The following EXO5 variants were observed in gnomAD, a reference collection of about 807,000 sequenced individuals.
EXO5 encodes the protein exonuclease 5.
In EXO5, 11 loss-of-function variants were observed where a neutral mutation model predicts 17.8. That is an observed-to-expected ratio of 0.62 (90% confidence interval 0.39 to 1.02). The LOEUF (loss-of-function observed/expected upper bound fraction) is 1.02. EXO5 is among the 50% of genes least tolerant of loss of function. EXO5 has a pLI of 0.00. For synonymous variants in EXO5, 147 were observed against 166.5 expected (o/e 0.88, Z 0.90); for missense variants, 364 against 434.8 (o/e 0.84, Z 1.45).
chr1:40,510,684 T>C (rs1645758071), intron 3 of EXO5, among the ~76,000 whole-genome samples: 1 of 152,252 alleles, frequency 6.6e-6, no homozygotes, highest in Non-Finnish European at 1.5e-5. Flanking sequence ...GATCAGGGAA[T>C]GTTCTGTATC....
intron 3 of EXO5, among the ~76,000 whole-genome samples, chr1:40,511,274 T>C (rs1234870845): frequency 6.6e-6 from 1 of 152,064 alleles, no homozygotes; most frequent in African/African-American, 2.4e-5. Context: ...AAATGCCCTT[T>C]AACTTTAGTT....
At position 40,515,883 on chromosome 1, in the gene EXO5, C is replaced by T. The variant is rs190538146; in HGVS notation, c.*217C>T. Reference sequence around the variant, plus strand: ...GTCCCTGGAGCTTCATCATGATTGCCTGAGAAGACAGATGCTCATCATGGC... The same window carrying T: ...GTCCCTGGAGCTTCATCATGATTGCTTGAGAAGACAGATGCTCATCATGGC... On this transcript the variant is annotated 3_prime_UTR_variant, in exon 4 of 4. Coordinates refer to ENST00000415550, the MANE Select transcript of EXO5 (RefSeq NM_001346953.2). 7.7e-5 allele frequency: 36 copies of T among 469,192 alleles called. No individual in the cohort carries two copies. The highest frequency in any genetic ancestry group is 1.2e-4 in the Non-Finnish European group (31 of 259,450). 29.1% of individuals were successfully genotyped at this position (469,192 alleles called of 1,614,324 possible). A position where few individuals can be genotyped will look rare whatever the true frequency, so the allele number is the denominator to read the frequency against.
Position 40,515,486 on chromosome 1 carries a change from G to A in EXO5, c.942G>A (p.Glu314=). 3 of 1,613,994 alleles carry A rather than the reference G, an allele frequency of 1.9e-6. No individual in the cohort carries two copies. The highest frequency in any genetic ancestry group is 2.5e-6 in the Non-Finnish European group (3 of 1,180,008). ...GTEIVAFKEK[E]VRAKVQHYMA... is the part of the protein sequence containing the mutation. ...AGATTGTAGCCTTCAAAGAGAAGGA[G>A]GTGAGAGCCAAGGTGCAGCATTATA... Residue 314 remains glutamate (E), a synonymous_variant, in exon 4 of 4, where the codon GAG becomes GAA. Transcript: ENST00000415550.
chr1:40,511,917 T>C (rs926119364), intron 3 of EXO5, among the ~76,000 whole-genome samples: 12 of 151,870 alleles, frequency 7.9e-5, no homozygotes, highest in African/African-American at 2.9e-4. Context: ...CTCGCTCTGT[T>C]GCCCAGGCTG....
chr1:40,513,583 CTTTT>C (rs576118331), intron 3 of EXO5, among the ~76,000 whole-genome samples: 1 of 142,412 alleles, frequency 7.0e-6, no homozygotes, highest in Admixed American at 7.1e-5. Context: ...CTCAAATCTC[CTTTT>C]TTTTTTTTTT....
In EXO5 at chr1:40,514,692, T is replaced by C. The variant is rs1290436393; in HGVS notation, c.148T>C (p.Ser50Pro). The change falls in exon 4 of 4, where the codon TCC (serine) becomes CCC (proline). Residue 50 changes from serine to proline, a missense_variant. Transcript: ENST00000415550. ...TAACATGCCTGGCCCATCTTCTGAA[T>C]CCCTTGGGAAGGATGACAAACCCAT... ...LVNMPGPSSESLGKDDKPISL... is the reference protein window; with the variant it reads ...LVNMPGPSSEPLGKDDKPISL... 3 of 1,614,106 alleles carry C rather than the reference T, an allele frequency of 1.9e-6. No homozygotes were observed. The highest frequency in any genetic ancestry group is 2.5e-6 in the Non-Finnish European group (3 of 1,180,012).
Position 40,515,048 on chromosome 1 carries a change from G to A in EXO5, c.504G>A (p.Val168=), listed in dbSNP as rs773346092. ...AAGGGCACATCAGAGAGTTTCCAGT[G>A]TTTGGGGAAGGGGAGGGTGTACTTC... ...QSEGHIREFP[V]FGEGEGVLLV... Residue 168 remains valine, a synonymous_variant, in exon 4 of 4, where the codon GTG becomes GTA. Coordinates refer to ENST00000415550, the MANE Select transcript of EXO5 (RefSeq NM_001346953.2). 3 of 1,614,060 alleles carry A rather than the reference G, an allele frequency of 1.9e-6. No homozygotes were observed. The highest frequency in any genetic ancestry group is 1.3e-5 in the African/African-American group (1 of 74,908).
In EXO5 at chr1:40,515,818, G is replaced by A. The variant is rs1645882276; in HGVS notation, c.*152G>A. ...CAACCTCTAACCACATTCAGTCCAG[G>A]ACCAAGGCTCAGGGATGAGTGGGAG... is the stretch of plus-strand genomic sequence containing the variant. On this transcript the variant is annotated 3_prime_UTR_variant, in exon 4 of 4. Coordinates refer to ENST00000415550, the MANE Select transcript of EXO5 (RefSeq NM_001346953.2). 2 of 763,980 alleles carry A rather than the reference G, an allele frequency of 2.6e-6. No individual in the cohort carries two copies. The highest frequency in any genetic ancestry group is 5.9e-5 in the Admixed American group (2 of 33,746). 47.3% of individuals were successfully genotyped at this position (763,980 alleles called of 1,614,324 possible). A position where few individuals can be genotyped will look rare whatever the true frequency, so the allele number is the denominator to read the frequency against.
intron 3 of EXO5, 57 bp from the exon 4 acceptor site, chr1:40,514,458 A>C: frequency 7.2e-7 from 1 of 1,391,112 alleles, no homozygotes; most frequent in South Asian, 1.5e-5. Context: ...TGAAATTTGA[A>C]AGTGCTTTTG....
chr1:40,515,158 T>A lies in EXO5; in HGVS notation c.614T>A (p.Leu205His), dbSNP rs200871640. Reference protein sequence around the residue: ...AELKTRRRPMLPLEAQKKKDC... With the variant: ...AELKTRRRPMHPLEAQKKKDC... ...CTCAAGACACGCAGGCGCCCTATGC[T>A]CCCTCTGGAAGCTCAGAAGAAGAAA... is the stretch of plus-strand genomic sequence containing the variant. The change falls in exon 4 of 4, where the codon CTC (leucine) becomes CAC (histidine). Residue 205 changes from leucine to histidine, a missense_variant. Leu to His is a moderately conservative substitution (Grantham distance 99, BLOSUM62 -3). Transcript: ENST00000415550. The A allele has an allele frequency of 6.2e-7, 1 of 1,613,956 alleles. No homozygotes were observed.
rs1480625903 is a variant in EXO5, at chr1:40,514,988, G to A, written c.444G>A (p.Leu148=). The A allele has an allele frequency of 8.7e-6, 14 of 1,614,028 alleles. No homozygotes were observed. The highest frequency in any genetic ancestry group is 1.2e-5 in the Non-Finnish European group (14 of 1,180,032). ...AAGATGCTTGGGCAATTAAGTTTCTGAACATACTTTTGCTGATTCCTACCC... is the reference window on the plus strand; with the variant it reads ...AAGATGCTTGGGCAATTAAGTTTCTAAACATACTTTTGCTGATTCCTACCC... ...TKEDAWAIKF[L]NILLLIPTLQ... The change falls in exon 4 of 4, where the codon CTG becomes CTA. Residue 148 remains leucine, a synonymous_variant. Transcript: ENST00000415550.
In EXO5 at chr1:40,515,705, T is replaced by C; in HGVS notation, c.*39T>C. 1 of 1,576,022 alleles carries C rather than the reference T, an allele frequency of 6.3e-7. No homozygotes were observed. Among genetic ancestry groups the C allele is most frequent in the Non-Finnish European group, 8.6e-7 (1 of 1,161,616 alleles). ...TTTCAAGAATGTTGATCCTTCCTGCTCCTGTTGTACCTAAGCAAAAGAGGA... is the reference window on the plus strand; with the variant it reads ...TTTCAAGAATGTTGATCCTTCCTGCCCCTGTTGTACCTAAGCAAAAGAGGA... On this transcript the variant is annotated 3_prime_UTR_variant, in exon 4 of 4. Transcript: ENST00000415550.
rs767507515 is a variant in EXO5 at position 40,515,392 on chromosome 1, AC to A, written c.850del (p.Leu284SerfsTer7). Reference protein sequence around the residue: ...ELVFLSLTLSDLPVIDILKIE... With the variant: ...ELVFLSLTLSXLPVIDILKIE... Reference sequence around the variant, plus strand: ...GTCTTCTTGTCTCTAACACTGTCAGACCTCCCAGTTATTGATATCTTGAAGA... The same window carrying A: ...GTCTTCTTGTCTCTAACACTGTCAGACTCCCAGTTATTGATATCTTGAAGA... On this transcript the variant is annotated frameshift_variant, in exon 4 of 4. Coordinates refer to ENST00000415550, the MANE Select transcript of EXO5 (RefSeq NM_001346953.2). LOFTEE classifies it high-confidence loss of function. 17 of 1,613,534 alleles carry A rather than the reference AC, an allele frequency of 1.1e-5. No individual in the cohort carries two copies. In the African/African-American group the frequency reaches 1.5e-4, roughly 14 times the overall value.
intron 3 of EXO5, 74 bp from the exon 4 acceptor site, chr1:40,514,441 A>C: frequency 1.6e-6 from 2 of 1,258,262 alleles, no homozygotes; most frequent in Non-Finnish European, 2.2e-6. Flanking sequence ...TTTTGTTTTT[A>C]TCTCACTGAA....
Position 40,515,706 on chromosome 1 carries a change from C to A in EXO5, c.*40C>A. On this transcript the variant is annotated 3_prime_UTR_variant, in exon 4 of 4. Coordinates refer to ENST00000415550, the MANE Select transcript of EXO5 (RefSeq NM_001346953.2). ...TTCAAGAATGTTGATCCTTCCTGCT[C>A]CTGTTGTACCTAAGCAAAAGAGGAC... The A allele has an allele frequency of 6.4e-7, 1 of 1,563,466 alleles. No individual in the cohort carries two copies. Among genetic ancestry groups the A allele is most frequent in the South Asian group, 1.2e-5 (1 of 83,682 alleles).
In EXO5 at chr1:40,515,075, T is replaced by A. The variant is rs1408264287; in HGVS notation, c.531T>A (p.Leu177=). The change falls in exon 4 of 4, where the codon CTT becomes CTA. Residue 177 remains leucine, a synonymous_variant. Transcript: ENST00000415550. Reference sequence around the variant, plus strand: ...TTGGGGAAGGGGAGGGTGTACTTCTTGTTGGAGTGATTGATGAGCTGCACT... The same window carrying A: ...TTGGGGAAGGGGAGGGTGTACTTCTAGTTGGAGTGATTGATGAGCTGCACT... ...PVFGEGEGVL[L]VGVIDELHYT... The A allele has an allele frequency of 6.2e-7, 1 of 1,614,008 alleles. No homozygotes were observed. Among genetic ancestry groups the A allele is most frequent in the Non-Finnish European group, 8.5e-7 (1 of 1,179,980 alleles).
At chr1:40,512,816 A>G (rs368677757) in intron 3 of EXO5, among the ~76,000 whole-genome samples, 226 of 152,250 alleles carry the variant, frequency 1.5e-3, no homozygotes, top group African/African-American at 5.3e-3. Flanking sequence ...TAGTTTCACC[A>G]TGCTGGCCAG....
intron 3 of EXO5, 43 bp downstream of exon 3, chr1:40,509,833 G>A (rs1645738967): frequency 6.6e-6 from 1 of 152,226 alleles, no homozygotes; most frequent in Non-Finnish European, 1.5e-5. Flanking sequence ...TCCTTTGTCA[G>A]GGGGAATCGA....
chr1:40,515,689 T>C lies in EXO5; in HGVS notation c.*23T>C. The C allele has an allele frequency of 6.3e-7, 1 of 1,594,312 alleles. No homozygotes were observed. The highest frequency in any genetic ancestry group is 1.1e-5 in the South Asian group (1 of 88,772). On this transcript the variant is annotated 3_prime_UTR_variant, in exon 4 of 4. Coordinates refer to ENST00000415550, the MANE Select transcript of EXO5 (RefSeq NM_001346953.2). ...TGAATAGAAGGTATGCTTTCAAGAA[T>C]GTTGATCCTTCCTGCTCCTGTTGTA...
Sources: gnomAD v4.1 joint callset for allele counts (sites outside exome capture counted in the v4.1 genomes callset) on GRCh38, gnomAD v4.1.1 for gene constraint, MANE v1.5 for transcripts, NCBI Gene and HGNC (gene_info 2026-07-23, HGNC 2026-07-21) for gene names.